The following KDM4B variants were observed in gnomAD, a reference collection of about 807,000 sequenced individuals.
KDM4B encodes lysine demethylase 4B, also known as lysine-specific demethylase 4B.
A neutral mutation model predicts 125.2 loss-of-function variants in KDM4B; 32 were observed. The ratio of observed to expected loss-of-function variants is 0.26; its 90% CI spans 0.19 to 0.34. The LOEUF is 0.34. Ranked by LOEUF, KDM4B falls within the 10% of genes least tolerant of loss-of-function variation. The pLI is 1.00. For synonymous variants in KDM4B, 721 were observed against 677.9 expected (o/e 1.06, Z -0.99); for missense variants, 1,190 against 1,577.7 (o/e 0.75, Z 4.16).
chr19:5,089,577 G>C (rs553926808), intron 9 of KDM4B, among the ~76,000 whole-genome samples: 33 of 152,192 alleles, frequency 2.2e-4, no homozygotes, highest in African/African-American at 8.0e-4. Flanking sequence ...TGGGGATGTG[G>C]TTCTTGAACT....
chr19:5,035,880 TGCGCGCGC>T lies in KDM4B; in HGVS notation c.141+2858_141+2865del, dbSNP rs149870966. Among the ~76,000 whole-genome samples, 1 of 136,400 alleles carries T rather than the reference TGCGCGCGC, an allele frequency of 7.3e-6. No individual in the cohort carries two copies. The highest frequency in any genetic ancestry group is 7.0e-5 in the Admixed American group (1 of 14,218). 89.5% of individuals were successfully genotyped at this position (136,400 alleles called of 152,430 possible). On this transcript the variant is annotated intron_variant, in intron 3 of 22. Transcript: ENST00000159111. The surrounding 1 kb of genome is among the most constrained non-coding windows in gnomAD (Gnocchi z 5.3). ...ACGTGTCTCTGTGTGTGTGTGTGTG[TGCGCGCGC>T]GCGCGCGCCTGCGCGCACAGGAGAC...
At chr19:5,109,918 T>C (rs955158239) in intron 9 of KDM4B, among the ~76,000 whole-genome samples, 1 of 152,226 alleles carries the variant, frequency 6.6e-6, no homozygotes, top group African/African-American at 2.4e-5. Flanking sequence ...TCCGTATCCA[T>C]TTTTACCTAC....
At chr19:5,017,121 C>T (rs2035917176) in intron 2 of KDM4B, among the ~76,000 whole-genome samples, 1 of 152,176 alleles carries the variant, frequency 6.6e-6, no homozygotes, top group African/African-American at 2.4e-5. Context: ...AGGAAGGGGC[C>T]CATCCAGGGC....
At chr19:5,132,608 G>A (rs940538882) in intron 13 of KDM4B, among the ~76,000 whole-genome samples, 12 of 152,104 alleles carry the variant, frequency 7.9e-5, no homozygotes, top group Non-Finnish European at 1.5e-4. Flanking sequence ...TGGAGGAATC[G>A]GCACGGGGAC....
At chr19:5,133,061 G>A (rs2613787) in intron 13 of KDM4B, among the ~76,000 whole-genome samples, 2 of 152,186 alleles carry the variant, frequency 1.3e-5, no homozygotes, top group Non-Finnish European at 2.9e-5. Flanking sequence ...CAGGACCCCA[G>A]GCTCCCCTTT....
chr19:5,146,900 CA>C lies in KDM4B; in HGVS notation c.3021+1999del, dbSNP rs529227799. ...AGGATGCAGTGAGCTGTAATTGAGCCACTGTACTCCAGCTTGGGTGACACTG... is the reference window on the plus strand; with the variant it reads ...AGGATGCAGTGAGCTGTAATTGAGCCCTGTACTCCAGCTTGGGTGACACTG... On this transcript the variant is annotated intron_variant, in intron 21 of 22. Transcript: ENST00000159111. Among the ~76,000 whole-genome samples the C allele has an allele frequency of 1.5e-4, 20 of 134,120 alleles. No individual in the cohort carries two copies. The East Asian group carries it at 3.9e-3, about 26-fold the overall frequency. The allele number at this position is 134,120 out of a possible 152,430, so 88.0% of individuals were successfully genotyped here. A position where few individuals can be genotyped will look rare whatever the true frequency, so the allele number is the denominator to read the frequency against.
chr19:5,122,737 C>G (rs929165665), intron 11 of KDM4B, among the ~76,000 whole-genome samples: 1 of 152,212 alleles, frequency 6.6e-6, no homozygotes, highest in African/African-American at 2.4e-5. Flanking sequence ...CTCAGCCCCC[C>G]AAGGAAGAGG....
intron 9 of KDM4B, among the ~76,000 whole-genome samples, chr19:5,110,209 AC>A (rs1386387547): frequency 6.6e-6 from 1 of 152,204 alleles, no homozygotes; most frequent in Non-Finnish European, 1.5e-5. Context: ...GCTGGTGCAC[AC>A]CTGTAATCCC....
intron 1 of KDM4B, among the ~76,000 whole-genome samples, chr19:4,986,855 C>T (rs1454920605): frequency 6.6e-6 from 1 of 152,246 alleles, no homozygotes; most frequent in Non-Finnish European, 1.5e-5. Flanking sequence ...ACTGCAGGGG[C>T]ACAGAGGCCG....
chr19:5,048,150 G>A (rs1161541435), intron 6 of KDM4B, among the ~76,000 whole-genome samples: 1 of 152,208 alleles, frequency 6.6e-6, no homozygotes, highest in Admixed American at 6.5e-5. Context: ...AGGGCGTGGC[G>A]CTGCAGGCCT....
chr19:4,998,123 G>T (rs1366689842), intron 1 of KDM4B, among the ~76,000 whole-genome samples: 1 of 152,204 alleles, frequency 6.6e-6, no homozygotes, highest in Non-Finnish European at 1.5e-5. Flanking sequence ...TGGCATCCCC[G>T]CTCTGTGTGG....
chr19:5,071,468 C>T (rs1396929173), intron 7 of KDM4B, among the ~76,000 whole-genome samples: 4 of 152,224 alleles, frequency 2.6e-5, no homozygotes, highest in Non-Finnish European at 5.9e-5. Flanking sequence ...GCCAGCAGTC[C>T]GCTTACCTGC....
intron 6 of KDM4B, among the ~76,000 whole-genome samples, chr19:5,054,515 T>G (rs1226793747): frequency 6.6e-6 from 1 of 152,038 alleles, no homozygotes; most frequent in Non-Finnish European, 1.5e-5. Context: ...TGCGTACACA[T>G]GTACATGTGT....
At chr19:5,087,939 G>A (rs183891836) in intron 9 of KDM4B, among the ~76,000 whole-genome samples, 18 of 152,290 alleles carry the variant, frequency 1.2e-4, no homozygotes, top group Admixed American at 9.2e-4. Flanking sequence ...TGAGGGCACC[G>A]GGCAGCACAG....
intron 1 of KDM4B, among the ~76,000 whole-genome samples, chr19:5,015,960 C>T (rs1288560882): frequency 1.3e-5 from 2 of 152,176 alleles, no homozygotes; most frequent in Non-Finnish European, 2.9e-5. Context: ...TAGGTGTCTG[C>T]GTCTTAAGGC....
intron 21 of KDM4B, among the ~76,000 whole-genome samples, chr19:5,147,864 G>A (rs2039879277): frequency 6.6e-6 from 1 of 152,128 alleles, no homozygotes; most frequent in Admixed American, 6.5e-5. Context: ...GCGCCTGCCT[G>A]CGAGGTGGCG....
intron 7 of KDM4B, chr19:5,074,760 G>C (rs899944513): frequency 6.6e-6 from 1 of 152,602 alleles, no homozygotes; most frequent in East Asian, 1.9e-4. Flanking sequence ...CTCCCCGTGC[G>C]CCTGGGCCTC....
intron 9 of KDM4B, among the ~76,000 whole-genome samples, chr19:5,085,537 G>A (rs2038462521): frequency 6.6e-6 from 1 of 152,230 alleles, no homozygotes; most frequent in African/African-American, 2.4e-5. Flanking sequence ...AAACAAGTTG[G>A]CATTTGGGAA....
At chr19:5,129,242 C>T (rs2039502636) in intron 11 of KDM4B, among the ~76,000 whole-genome samples, 1 of 152,050 alleles carries the variant, frequency 6.6e-6, no homozygotes, top group African/African-American at 2.4e-5. Flanking sequence ...GGCTGGGGGC[C>T]CCTTGTGGGA....
Sources: allele counts gnomAD v4.1 joint callset (sites outside exome capture counted in the v4.1 genomes callset), GRCh38; gene constraint gnomAD v4.1.1; non-coding constraint Gnocchi (gnomAD v3.1); transcripts MANE v1.5; gene names NCBI Gene and HGNC (gene_info 2026-07-23, HGNC 2026-07-21).